Variants in CRYM observed in about 807,000 individuals in gnomAD.
CRYM encodes the protein crystallin mu, also known as ketimine reductase mu-crystallin.
In CRYM, 18 loss-of-function variants were observed where a neutral mutation model predicts 32.9. The ratio of observed to expected loss-of-function variants is 0.55; its 90% CI spans 0.38 to 0.81. The LOEUF (loss-of-function observed/expected upper bound fraction) is 0.81. Ranked by LOEUF, CRYM falls within the 30% of genes least tolerant of loss-of-function variation. The pLI is 0.00. For missense variants in CRYM, 337 were observed against 393.5 expected, an observed-to-expected ratio of 0.86 and a Z score of 1.21; for synonymous variants, 153 against 152.4, an observed-to-expected ratio of 1.00 and a Z score of -0.03.
At chr16:21,276,855 A>C (rs920400317) in intron 2 of CRYM, among the ~76,000 whole-genome samples, 1 of 152,232 alleles carries the variant, frequency 6.6e-6, no homozygotes, top group African/African-American at 2.4e-5. Context: ...TCATCTATAA[A>C]GTGGGAGTAA....
At chr16:21,298,222 TC>T (rs1359291416) in intron 1 of CRYM, among the ~76,000 whole-genome samples, 2 of 152,198 alleles carry the variant, frequency 1.3e-5, no homozygotes, top group Non-Finnish European at 2.9e-5. Flanking sequence ...TCTGTGTACC[TC>T]CAAGGGAAAG....
chr16:21,278,513 A>C, upstream of CRYM: 2 of 568,626 alleles, frequency 3.5e-6, no homozygotes, highest in Non-Finnish European at 3.2e-6. Flanking sequence ...GGGAGTCAAT[A>C]TTGTTTGGTC....
At chr16:21,299,111 CTATGATTATTCTTAT>C (rs772488403) in intron 1 of CRYM, among the ~76,000 whole-genome samples, 56 of 152,218 alleles carry the variant, frequency 3.7e-4, no homozygotes, top group Middle Eastern at 3.4e-3. Flanking sequence ...GCTATTCTTA[CTATGATTATTCTTAT>C]TATGATTAAT....
At chr16:21,289,676 A>G (rs8045456) in intron 1 of CRYM, among the ~76,000 whole-genome samples, 12,569 of 152,072 alleles carry the variant, frequency 0.083, 1,179 homozygotes, top group East Asian at 0.43. Context: ...CACTCAGGTG[A>G]CACCCTCTCT....
chr16:21,261,003 G>A, intron 7 of CRYM: 1 of 563,788 alleles, frequency 1.8e-6, no homozygotes, highest in Non-Finnish European at 3.2e-6. Context: ...AGGAAACTGA[G>A]GCCTACAGAG....
chr16:21,277,662 T>A lies in CRYM; in HGVS notation c.171-78A>T. On this transcript the variant is annotated intron_variant, in intron 1 of 7. Coordinates refer to ENST00000572914, the MANE Select transcript of CRYM (RefSeq NM_001376256.1). The surrounding 1 kb of genome is among the most constrained non-coding windows in gnomAD (Gnocchi z 4.2). ...CTTAGAAAGTATCCATATACTTTCC[T>A]TTTTCTTTCCTTCCTCACCACCCCA... The A allele has an allele frequency of 6.5e-7, 1 of 1,539,616 alleles. No individual in the cohort carries two copies. Among genetic ancestry groups the A allele is most frequent in the Non-Finnish European group, 8.9e-7 (1 of 1,125,792 alleles).
In CRYM at chr16:21,278,073, C is replaced by T; in HGVS notation, c.170+9G>A. 1 of 1,542,152 alleles carries T rather than the reference C, an allele frequency of 6.5e-7. No individual in the cohort carries two copies. Among genetic ancestry groups the T allele is most frequent in the Non-Finnish European group, 8.7e-7 (1 of 1,145,932 alleles). The stretch of plus-strand genomic sequence containing the variant: ...TCTCCTGCCCCTGACCCCGACCCTC[C>T]TCACTCACCCCCTGTGCTTGGTCAC... On this transcript the variant is annotated intron_variant, in intron 1 of 7. Transcript: ENST00000572914.
At chr16:21,276,656 G>C (rs1014320520) in intron 2 of CRYM, among the ~76,000 whole-genome samples, 6 of 152,192 alleles carry the variant, frequency 3.9e-5, no homozygotes, top group Non-Finnish European at 8.8e-5. Flanking sequence ...TTGCAGAATT[G>C]AATGTGATCA....
intron 1 of CRYM, among the ~76,000 whole-genome samples, chr16:21,291,996 A>C (rs1960668920): frequency 6.6e-6 from 1 of 152,142 alleles, no homozygotes; most frequent in Non-Finnish European, 1.5e-5. Flanking sequence ...CAGAGTCACA[A>C]AAGCTTGATT....
At chr16:21,279,971 G>A (rs896911366), upstream of CRYM, among the ~76,000 whole-genome samples, 1 of 152,146 alleles carries the variant, frequency 6.6e-6, no homozygotes, top group African/African-American at 2.4e-5. Context: ...TTGTTTCTTC[G>A]GTTCACCATC....
In CRYM at chr16:21,277,979, TTAGGCAAGCC is replaced by T. The variant is rs563556255; in HGVS notation, c.170+93_170+102del. The T allele has an allele frequency of 1.6e-3, 2,192 of 1,339,318 alleles. 4 individuals are homozygous for T. Among genetic ancestry groups the T allele is most frequent in the Non-Finnish European group, 2.1e-3 (2,084 of 989,832 alleles). 83.0% of individuals were successfully genotyped at this position (1,339,318 alleles called of 1,614,324 possible). The stretch of plus-strand genomic sequence containing the variant: ...TAAAAGTGGCAGCTGTTAGCAACGG[TTAGGCAAGCC>T]GTCTCTTCCCTTCTCCCACCCCTCC... On this transcript the variant is annotated intron_variant, in intron 1 of 7. Transcript: ENST00000572914. The surrounding 1 kb of genome is among the most constrained non-coding windows in gnomAD (Gnocchi z 4.2).
At chr16:21,286,278 C>T (rs888654285) in intron 1 of CRYM, among the ~76,000 whole-genome samples, 7 of 150,770 alleles carry the variant, frequency 4.6e-5, no homozygotes, top group Non-Finnish European at 7.4e-5. Flanking sequence ...AATGCAATGG[C>T]GTGATCTCAG....
intron 7 of CRYM, among the ~76,000 whole-genome samples, chr16:21,260,361 A>G (rs1463891943): frequency 6.6e-6 from 1 of 152,072 alleles, no homozygotes; most frequent in Non-Finnish European, 1.5e-5. Context: ...GCTGGAGTGC[A>G]CGATGTCAGC....
chr16:21,281,836 A>T (rs2093398716), upstream of CRYM, among the ~76,000 whole-genome samples: 2 of 152,230 alleles, frequency 1.3e-5, no homozygotes, highest in African/African-American at 4.8e-5. Flanking sequence ...TTAAATACAC[A>T]TGCATCAGGA....
At chr16:21,261,081 C>T (rs1021855403) in intron 7 of CRYM, 173 bp downstream of exon 7, 4 of 669,640 alleles carry the variant, frequency 6.0e-6, no homozygotes, top group Non-Finnish European at 1.1e-5. Context: ...CAGGACTGCT[C>T]AGTTCCAGAG....
At chr16:21,269,302 G>A (rs2152862226) in intron 4 of CRYM, among the ~76,000 whole-genome samples, 1 of 151,992 alleles carries the variant, frequency 6.6e-6, no homozygotes, top group African/African-American at 2.4e-5. Flanking sequence ...AATAACAATA[G>A]CATCAAAAAT....
upstream of CRYM, among the ~76,000 whole-genome samples, chr16:21,283,014 G>A (rs1039451953): frequency 6.6e-6 from 1 of 152,132 alleles, no homozygotes; most frequent in Non-Finnish European, 1.5e-5. Context: ...GGTCAGTATT[G>A]AGAAAGCTGG....
Position 21,277,520 on chromosome 16 carries a change from AG to A in CRYM, c.234del (p.Phe79SerfsTer37), listed in dbSNP as rs1345330189. 1.9e-6 allele frequency: 3 copies of A among 1,613,874 alleles called. No homozygotes were observed. Among genetic ancestry groups the A allele is most frequent in the Non-Finnish European group, 2.5e-6 (3 of 1,180,014 alleles). On this transcript the variant is annotated frameshift_variant, in exon 2 of 8. Transcript: ENST00000572914. LOFTEE classifies it high-confidence loss of function. This position sits in a 1 kb window ranked among gnomAD's most constrained non-coding sequence, Gnocchi z 4.2. ...AEDALTTKLV[T>X]FYEDRGITSV... is the part of the protein sequence containing the mutation. ...GAGGTGATGCCGCGGTCCTCGTAGA[AG>A]GTGACCAACTTGGTGGTCAGTGCAT...
chr16:21,258,736 A>G lies in CRYM; in HGVS notation c.*45T>C. On this transcript the variant is annotated 3_prime_UTR_variant, in exon 8 of 8. Transcript: ENST00000572914. Reference sequence around the variant, plus strand: ...TACTCTAGAAATTATGAGAACCAGCAGCAATATTCCTCAAGCATCCATCTC... The same window carrying G: ...TACTCTAGAAATTATGAGAACCAGCGGCAATATTCCTCAAGCATCCATCTC... 1 of 1,513,022 alleles carries G rather than the reference A, an allele frequency of 6.6e-7. No homozygotes were observed. 93.7% of individuals were successfully genotyped at this position (1,513,022 alleles called of 1,614,324 possible).
Sources: gnomAD v4.1 joint callset for allele counts (sites outside exome capture counted in the v4.1 genomes callset) on GRCh38, gnomAD v4.1.1 for gene constraint, Gnocchi (gnomAD v3.1) non-coding constraint, MANE v1.5 for transcripts, NCBI Gene and HGNC (gene_info 2026-07-23, HGNC 2026-07-21) for gene names.